The following RPGRIP1L variants were observed in gnomAD, a reference collection of about 807,000 sequenced individuals.
The protein encoded by RPGRIP1L is protein fantom.
In RPGRIP1L, 131 loss-of-function variants were observed where a neutral mutation model predicts 160.4. The ratio of observed to expected loss-of-function variants is 0.82; its 90% CI spans 0.71 to 0.94. The LOEUF is 0.94. Ranked by LOEUF, RPGRIP1L falls within the 40% of genes least tolerant of loss-of-function variation. RPGRIP1L has a pLI of 0.00. For synonymous variants in RPGRIP1L, 510 were observed against 515.8 expected, an observed-to-expected ratio of 0.99 and a Z score of 0.15; for missense variants, 1,522 against 1,535.8, an observed-to-expected ratio of 0.99 and a Z score of 0.15.
At chr16:53,659,013 C>A in intron 10 of RPGRIP1L, 135 bp from the exon 11 acceptor site, 1 of 717,142 alleles carries the variant, frequency 1.4e-6, no homozygotes, top group Admixed American at 2.4e-5. Context: ...ACTGAGCTAG[C>A]ACCTCGACAA....
At chr16:53,627,580 C>T (rs1328940056) in intron 22 of RPGRIP1L, among the ~76,000 whole-genome samples, 1 of 152,168 alleles carries the variant, frequency 6.6e-6, no homozygotes, top group East Asian at 1.9e-4. Context: ...CCCATGGTTA[C>T]CACTATCTTG....
intron 10 of RPGRIP1L, chr16:53,659,249 A>G (rs2151167425): frequency 3.2e-6 from 3 of 928,138 alleles, no homozygotes; most frequent in Non-Finnish European, 3.9e-6. Flanking sequence ...TGGAAAAAAA[A>G]TTGTCTTTTA....
chr16:53,646,226 C>T (rs912781693), intron 16 of RPGRIP1L, among the ~76,000 whole-genome samples: 1 of 152,030 alleles, frequency 6.6e-6, no homozygotes, highest in Admixed American at 6.6e-5. Flanking sequence ...GGAGACTGAG[C>T]ATACATGTAG....
At chr16:53,625,105 G>A (rs1333242758) in intron 22 of RPGRIP1L, among the ~76,000 whole-genome samples, 2 of 152,160 alleles carry the variant, frequency 1.3e-5, no homozygotes, top group African/African-American at 2.4e-5. Context: ...GCGTGATCTT[G>A]GCTCGCTACA....
chr16:53,669,940 A>C (rs1041217656), intron 9 of RPGRIP1L, among the ~76,000 whole-genome samples: 10 of 152,082 alleles, frequency 6.6e-5, no homozygotes, highest in African/African-American at 1.9e-4. Context: ...ACTCTGCACA[A>C]GTCTTAATTT....
intron 2 of RPGRIP1L, among the ~76,000 whole-genome samples, chr16:53,699,929 T>C (rs1971251696): frequency 6.6e-6 from 1 of 152,252 alleles, no homozygotes; most frequent in Non-Finnish European, 1.5e-5. Context: ...ACTGTTCTGA[T>C]TGAAAAGTGT....
chr16:53,687,893 A>C lies in RPGRIP1L; in HGVS notation c.602T>G (p.Leu201Arg). Residue 201 changes from leucine to arginine, a missense_variant, in exon 5 of 27, where the codon CTT (leucine) becomes CGT (arginine). By Grantham distance (102) the Leu-to-Arg change is moderately radical. Coordinates refer to ENST00000647211, the MANE Select transcript of RPGRIP1L (RefSeq NM_015272.5). ...PMFTKYGNSL[L>R]EEARGEIRNL... is the part of the protein sequence containing the mutation. ...TCTTATTTCTCCTCTGGCTTCTTCA[A>C]GTAAACTGTTGCCATATTTTGTAAA... The C allele has an allele frequency of 6.2e-7, 1 of 1,611,032 alleles. No individual in the cohort carries two copies. Among genetic ancestry groups the C allele is most frequent in the South Asian group, 1.1e-5 (1 of 90,920 alleles).
At chr16:53,662,094 C>A (rs527777571) in intron 10 of RPGRIP1L, among the ~76,000 whole-genome samples, 1 of 152,242 alleles carries the variant, frequency 6.6e-6, no homozygotes, top group East Asian at 1.9e-4. Context: ...TGACAAAAAG[C>A]AGGTCAAGCT....
chr16:53,699,992 A>G (rs1971258803), intron 2 of RPGRIP1L, among the ~76,000 whole-genome samples: 1 of 152,198 alleles, frequency 6.6e-6, no homozygotes, highest in Non-Finnish European at 1.5e-5. Context: ...CTCAGGCTAG[A>G]GGGGGATTTT....
At chr16:53,640,888 G>C in intron 19 of RPGRIP1L, 145 bp downstream of exon 19, 1 of 720,270 alleles carries the variant, frequency 1.4e-6, no homozygotes, top group East Asian at 2.8e-5. Flanking sequence ...ATATAGTGCC[G>C]AAACACAAAG....
At position 53,687,930 on chromosome 16, in the gene RPGRIP1L, G is replaced by T; in HGVS notation, c.565C>A (p.Pro189Thr). The change falls in exon 5 of 27, where the codon CCA (proline) becomes ACA (threonine). Residue 189 changes from proline to threonine, a missense_variant. Transcript: ENST00000647211. The part of the protein sequence containing the change: ...KFQDADVAET[P>T]HPMFTKYGNS... ...CCATATTTTGTAAACATGGGATGTG[G>T]AGTTTCTGCTACATCTGCATCTTGG... 6.2e-7 allele frequency: 1 copy of T among 1,611,198 alleles called. No individual in the cohort carries two copies. Among genetic ancestry groups the T allele is most frequent in the Non-Finnish European group, 8.5e-7 (1 of 1,177,730 alleles).
At chr16:53,690,590 G>A (rs376757989) in intron 4 of RPGRIP1L, among the ~76,000 whole-genome samples, 69 of 152,244 alleles carry the variant, frequency 4.5e-4, no homozygotes, top group African/African-American at 1.6e-3. Context: ...TCAGCTTCTC[G>A]AGGACTTTAG....
At chr16:53,695,244 C>A in intron 3 of RPGRIP1L, 1 of 671,044 alleles carries the variant, frequency 1.5e-6, no homozygotes, top group South Asian at 1.6e-5. Flanking sequence ...GGATAATGGT[C>A]AGAAAAGGAA....
chr16:53,650,461 T>A (rs1966844225), intron 15 of RPGRIP1L, among the ~76,000 whole-genome samples: 1 of 152,192 alleles, frequency 6.6e-6, no homozygotes, highest in Non-Finnish European at 1.5e-5. Flanking sequence ...TAGTGGCTCA[T>A]GCCTGTAATC....
intron 24 of RPGRIP1L, among the ~76,000 whole-genome samples, chr16:53,611,953 T>C (rs559740885): frequency 3.9e-5 from 6 of 152,338 alleles, no homozygotes; most frequent in African/African-American, 1.4e-4. Context: ...GTGAAAGATA[T>C]CACGATAGTT....
Position 53,629,049 on chromosome 16 carries a change from A to T in RPGRIP1L, c.3295-6693T>A, listed in dbSNP as rs531454793. 2.3e-3 allele frequency among the ~76,000 whole-genome samples: 344 copies of T among 152,298 alleles called. 2 individuals carry two copies. Among genetic ancestry groups the T allele is most frequent in the Middle Eastern group, 0.02 (6 of 294 alleles). ...CTGAGGGATATGACACATTGCAGCA[A>T]TGTGAAGCAAGGAGAATTTTAAAAA... On this transcript the variant is annotated intron_variant, in intron 22 of 26. Coordinates refer to ENST00000647211, the MANE Select transcript of RPGRIP1L (RefSeq NM_015272.5).
At chr16:53,609,426 C>T (rs1963888285) in intron 25 of RPGRIP1L, among the ~76,000 whole-genome samples, 3 of 152,060 alleles carry the variant, frequency 2.0e-5, no homozygotes, top group African/African-American at 2.4e-5. Flanking sequence ...TATTCTGGTA[C>T]AAATAAGTGG....
intron 12 of RPGRIP1L, 93 bp from the exon 13 acceptor site, chr16:53,657,725 A>G (rs1341723316): frequency 1.4e-6 from 1 of 725,012 alleles, no homozygotes; most frequent in Non-Finnish European, 2.2e-6. Flanking sequence ...TAATTCATTG[A>G]TTGATCAATT....
intron 10 of RPGRIP1L, among the ~76,000 whole-genome samples, chr16:53,661,369 C>T (rs1967782228): frequency 6.6e-6 from 1 of 150,890 alleles, no homozygotes; most frequent in African/African-American, 2.4e-5. Context: ...AAATACTTGT[C>T]TTTAAACTAA....
Sources: allele counts gnomAD v4.1 joint callset (sites outside exome capture counted in the v4.1 genomes callset), GRCh38; gene constraint gnomAD v4.1.1; transcripts MANE v1.5; gene names NCBI Gene and HGNC (gene_info 2026-07-23, HGNC 2026-07-21).